The following FAM107B variants were observed in gnomAD, a reference collection of about 807,000 sequenced individuals.
FAM107B encodes protein FAM107B.
A neutral mutation model predicts 31.5 loss-of-function variants in FAM107B; 21 were observed. The ratio of observed to expected loss-of-function variants is 0.67; its 90% CI spans 0.47 to 0.96. FAM107B has a LOEUF of 0.96. Among genes scored for constraint, FAM107B ranks in the 40% least tolerant of loss-of-function variants. The pLI, the probability that FAM107B is intolerant of heterozygous loss-of-function variation, is 0.00. For missense variants in FAM107B, 452 were observed against 377.1 expected (o/e 1.20, Z -1.64); for synonymous variants, 157 against 141.5 (o/e 1.11, Z -0.78).
intron 2 of FAM107B, among the ~76,000 whole-genome samples, chr10:14,574,930 G>A (rs897283927): frequency 6.6e-6 from 1 of 151,914 alleles, no homozygotes; most frequent in Non-Finnish European, 1.5e-5. Context: ...ATTACCCTAG[G>A]GTACAGTGTG....
intron 1 of FAM107B, among the ~76,000 whole-genome samples, chr10:14,688,403 T>G (rs776928073): frequency 1.3e-5 from 2 of 152,136 alleles, no homozygotes; most frequent in African/African-American, 2.4e-5. Flanking sequence ...TATACATCTG[T>G]CCTATTCTGT....
chr10:14,686,126 T>C (rs886505949), intron 1 of FAM107B, among the ~76,000 whole-genome samples: 7 of 152,098 alleles, frequency 4.6e-5, no homozygotes, highest in South Asian at 2.1e-4. Context: ...CAGTGACTTA[T>C]GCCTGTAGTC....
Position 14,727,059 on chromosome 10 carries a change from A to G in FAM107B, c.411+47194T>C, listed in dbSNP as rs117060340. Among the ~76,000 whole-genome samples, 525 of 152,226 alleles carry G rather than the reference A, an allele frequency of 3.4e-3. 12 individuals are homozygous for G. In the East Asian group the frequency reaches 0.046, roughly 13 times the overall value. On this transcript the variant is annotated intron_variant, in intron 1 of 4. Coordinates refer to ENST00000181796, the MANE Select transcript of FAM107B (RefSeq NM_031453.4). ...CTCATAAGAAGCAAGCGACCTAGAT[A>G]CCTCACATGTGCAGTTCACAATAGG...
At chr10:14,603,032 A>ACACAC (rs1852455009) in intron 2 of FAM107B, among the ~76,000 whole-genome samples, 4 of 95,582 alleles carry the variant, frequency 4.2e-5, no homozygotes, top group Non-Finnish European at 7.6e-5. Flanking sequence ...CACACACACA[A>ACACAC]ACACACTATG....
chr10:14,587,431 A>C (rs1171942088), intron 2 of FAM107B, among the ~76,000 whole-genome samples: 1 of 152,222 alleles, frequency 6.6e-6, no homozygotes, highest in African/African-American at 2.4e-5. Flanking sequence ...CAAAATGTGG[A>C]CAACAGACAC....
intron 1 of FAM107B, among the ~76,000 whole-genome samples, chr10:14,668,456 TCA>T (rs1854463654): frequency 6.6e-6 from 1 of 152,188 alleles, no homozygotes; most frequent in Admixed American, 6.5e-5. Flanking sequence ...CCATCATTAT[TCA>T]CAGTTATATT....
intron 1 of FAM107B, among the ~76,000 whole-genome samples, chr10:14,748,457 C>G (rs1425019330): frequency 6.6e-6 from 1 of 152,222 alleles, no homozygotes; most frequent in African/African-American, 2.4e-5. Flanking sequence ...CAGTAGCTAA[C>G]TAGTCCCATC....
chr10:14,600,731 C>G (rs539926929), intron 2 of FAM107B, among the ~76,000 whole-genome samples: 1 of 152,222 alleles, frequency 6.6e-6, no homozygotes, highest in African/African-American at 2.4e-5. Flanking sequence ...CCTCGAACTC[C>G]TGGGCTCAAG....
intron 2 of FAM107B, chr10:14,652,924 A>G (rs1487635257): frequency 1.3e-5 from 2 of 152,214 alleles, no homozygotes; most frequent in Non-Finnish European, 2.9e-5. Flanking sequence ...GAGAAACCAC[A>G]TACTGTGAGC....
intron 1 of FAM107B, among the ~76,000 whole-genome samples, chr10:14,699,034 T>C (rs966776645): frequency 6.6e-6 from 1 of 150,514 alleles, no homozygotes; most frequent in Non-Finnish European, 1.5e-5. Context: ...GGAGAGTGGG[T>C]ACCCTGCGAG....
chr10:14,671,013 C>G (rs1307756427), intron 1 of FAM107B, among the ~76,000 whole-genome samples: 3 of 152,182 alleles, frequency 2.0e-5, no homozygotes, highest in Non-Finnish European at 2.9e-5. Context: ...ATTTTGCTGC[C>G]TAGTACTCAC....
intron 1 of FAM107B, among the ~76,000 whole-genome samples, chr10:14,708,012 C>T (rs961258157): frequency 1.3e-5 from 2 of 152,132 alleles, no homozygotes; most frequent in African/African-American, 4.8e-5. Flanking sequence ...TTATGTCCAA[C>T]CCAGAGCTCT....
rs371647879 is a variant in FAM107B at position 14,718,367 on chromosome 10, G to C, written c.412-50676C>G. On this transcript the variant is annotated intron_variant, in intron 1 of 4. Coordinates refer to ENST00000181796, the MANE Select transcript of FAM107B (RefSeq NM_031453.4). ...GAAGGAAGGAAGGAAGGGAGGGAGGGAAAGAAAAGAAAGAAAGGAAAGAAA... is the reference window on the plus strand; with the variant it reads ...GAAGGAAGGAAGGAAGGGAGGGAGGCAAAGAAAAGAAAGAAAGGAAAGAAA... Among the ~76,000 whole-genome samples the C allele has an allele frequency of 2.2e-4, 33 of 147,426 alleles. 1 individual carries two copies. The South Asian group carries it at 7.3e-3, about 33-fold the overall frequency.
chr10:14,709,129 A>C (rs1855583733), intron 1 of FAM107B, among the ~76,000 whole-genome samples: 2 of 152,220 alleles, frequency 1.3e-5, no homozygotes, highest in African/African-American at 4.8e-5. Flanking sequence ...TTTGGAAGAC[A>C]GTTTGGTAGT....
At chr10:14,654,359 G>T (rs1229535902) in intron 2 of FAM107B, among the ~76,000 whole-genome samples, 1 of 152,170 alleles carries the variant, frequency 6.6e-6, no homozygotes, top group East Asian at 1.9e-4. Context: ...CTGAATATCT[G>T]TGTGGAATAT....
At chr10:14,565,510 G>T (rs988901280) in intron 2 of FAM107B, among the ~76,000 whole-genome samples, 12 of 152,166 alleles carry the variant, frequency 7.9e-5, no homozygotes, top group African/African-American at 2.9e-4. Context: ...CACTGAGGAA[G>T]AACCAGTTCA....
chr10:14,693,072 T>C (rs1345284166), intron 1 of FAM107B, among the ~76,000 whole-genome samples: 1 of 152,238 alleles, frequency 6.6e-6, no homozygotes, highest in African/African-American at 2.4e-5. Flanking sequence ...GTAAATGACA[T>C]CGCAGAGAGC....
At chr10:14,700,849 A>C (rs1855382217) in intron 1 of FAM107B, among the ~76,000 whole-genome samples, 2 of 111,422 alleles carry the variant, frequency 1.8e-5, no homozygotes, top group African/African-American at 7.5e-5. Context: ...AAAAAAAAAA[A>C]AAACGCACTA....
intron 2 of FAM107B, among the ~76,000 whole-genome samples, chr10:14,578,075 G>A (rs547690341): frequency 9.4e-4 from 143 of 152,208 alleles, no homozygotes; most frequent in African/African-American, 3.0e-3. Context: ...CCAGAGCCAG[G>A]GCGTGCGGGT....
Sources: gnomAD v4.1 joint callset for allele counts (sites outside exome capture counted in the v4.1 genomes callset) on GRCh38, gnomAD v4.1.1 for gene constraint, MANE v1.5 for transcripts, NCBI Gene and HGNC (gene_info 2026-07-23, HGNC 2026-07-21) for gene names.